Variants in WDR91 observed in about 807,000 individuals in gnomAD.
WDR91 encodes the protein WD repeat domain 91.
In WDR91, 52 loss-of-function variants were observed where a neutral mutation model predicts 88.4. The observed-to-expected ratio is 0.59, with a 90% CI of 0.47 to 0.74. WDR91 has a LOEUF of 0.74. Among genes scored for constraint, WDR91 ranks in the 30% least tolerant of loss-of-function variants. The pLI, the probability that WDR91 is intolerant of heterozygous loss-of-function variation, is 0.00. For missense variants in WDR91, 824 were observed against 954.5 expected (o/e 0.86, Z 1.80); for synonymous variants, 362 against 389.5 (o/e 0.93, Z 0.83).
intron 5 of WDR91, 91 bp downstream of exon 5, chr7:135,205,837 A>G (rs1831750558): frequency 1.3e-6 from 2 of 1,569,826 alleles, no homozygotes; most frequent in East Asian, 2.3e-5. Context: ...CAGCAGGCAC[A>G]GAGGACTGCA....
At position 135,198,097 on chromosome 7, in the gene WDR91, T is replaced by C; in HGVS notation, c.946A>G (p.Ser316Gly). 1.2e-6 allele frequency: 2 copies of C among 1,613,998 alleles called. No homozygotes were observed. Among genetic ancestry groups the C allele is most frequent in the Non-Finnish European group, 1.7e-6 (2 of 1,179,872 alleles). Reference sequence around the variant, plus strand: ...CCGGACTCCCCAGTGGCCAGCCCGCTGAGGAGGCTCTTCCCATCCTTGGCT... The same window carrying C: ...CCGGACTCCCCAGTGGCCAGCCCGCCGAGGAGGCTCTTCCCATCCTTGGCT... The part of the protein sequence containing the change: ...SGAKDGKSLL[S>G]GLATGESGWS... Residue 316 changes from serine (S) to glycine (G), a missense_variant, in exon 7 of 15, where the codon AGC becomes GGC. Coordinates refer to ENST00000354475, the MANE Select transcript of WDR91 (RefSeq NM_014149.4).
chr7:135,208,882 G>C lies in WDR91; in HGVS notation c.420C>G (p.Asn140Lys). ...GAGAAAAGTAGGTAGCAAAGGTGGG[G>C]TTGGTGTCCGGGGATGGCAGGAAGG... ...VLPFLPSPDTNPTFATYFSRQ... is the reference protein window; with the variant it reads ...VLPFLPSPDTKPTFATYFSRQ... Residue 140 changes from asparagine to lysine, a missense_variant, in exon 3 of 15, where the codon AAC becomes AAG. By Grantham distance (94) the Asn-to-Lys change is moderately conservative (BLOSUM62 0). Transcript: ENST00000354475. The C allele has an allele frequency of 1.9e-6, 3 of 1,614,208 alleles. No individual in the cohort carries two copies. Among genetic ancestry groups the C allele is most frequent in the Non-Finnish European group, 2.5e-6 (3 of 1,180,034 alleles).
intron 6 of WDR91, chr7:135,199,140 T>A (rs1280416686): frequency 2.0e-5 from 3 of 152,222 alleles, no homozygotes; most frequent in Non-Finnish European, 4.4e-5. Flanking sequence ...CTTCTACTTG[T>A]TATTTTTTAT....
In WDR91 at chr7:135,198,086, G is replaced by A. The variant is rs906541433; in HGVS notation, c.957C>T (p.Ala319=). Reference sequence around the variant, plus strand: ...GCTGTGACCAACCGGACTCCCCAGTGGCCAGCCCGCTGAGGAGGCTCTTCC... The same window carrying A: ...GCTGTGACCAACCGGACTCCCCAGTAGCCAGCCCGCTGAGGAGGCTCTTCC... The part of the protein sequence containing the change: ...KDGKSLLSGL[A]TGESGWSQHR... Residue 319 remains alanine (A), a synonymous_variant, in exon 7 of 15, where the codon GCC becomes GCT. Transcript: ENST00000354475. The A allele has an allele frequency of 6.2e-7, 1 of 1,614,088 alleles. No homozygotes were observed. The highest frequency in any genetic ancestry group is 2.2e-5 in the East Asian group (1 of 44,874).
intron 13 of WDR91, 77 bp downstream of exon 13, chr7:135,188,356 A>G: frequency 8.2e-6 from 10 of 1,223,782 alleles, no homozygotes; most frequent in Non-Finnish European, 1.1e-5. Context: ...CAGAGCTAGT[A>G]ACAGGTATGG....
chr7:135,192,447 T>C (rs1447119241), intron 11 of WDR91, among the ~76,000 whole-genome samples: 2 of 152,294 alleles, frequency 1.3e-5, no homozygotes, highest in African/African-American at 4.8e-5. Context: ...TGAGGCACAT[T>C]TGCCAAAGTG....
chr7:135,206,036 A>G lies in WDR91; in HGVS notation c.617T>C (p.Ile206Thr). 2 of 1,614,158 alleles carry G rather than the reference A, an allele frequency of 1.2e-6. No homozygotes were observed. Among genetic ancestry groups the G allele is most frequent in the Non-Finnish European group, 1.7e-6 (2 of 1,180,030 alleles). The part of the protein sequence containing the change: ...RQKLFALQAE[I>T]HRLKKEEQQP... ...TTGCTCCTCTTTCTTCAGTCGGTGG[A>G]TTTCAGCTTGCAATGCAAAAAGCTA... The change falls in exon 5 of 15, where the codon ATC becomes ACC. Residue 206 changes from isoleucine (I) to threonine (T), a missense_variant. By Grantham distance (89) the Ile-to-Thr change is moderately conservative. Transcript: ENST00000354475.
At chr7:135,193,183 A>AGAGTTTGTGCATTCCTGGCCC in intron 11 of WDR91, 48 bp downstream of exon 11, 5 of 1,593,912 alleles carry the variant, frequency 3.1e-6, no homozygotes, top group Non-Finnish European at 4.3e-6. Flanking sequence ...CCAGGGGAAT[A>AGAGTTTGTGCATTCCTGGCCC]CAGAGTGTGT....
At chr7:135,203,362 ATTTATT>A (rs895235205) in intron 6 of WDR91, among the ~76,000 whole-genome samples, 5 of 152,228 alleles carry the variant, frequency 3.3e-5, no homozygotes, top group African/African-American at 1.2e-4. Flanking sequence ...GACTATGACT[ATTTATT>A]TTATCTGTAA....
At chr7:135,194,263 G>T (rs1831280332) in intron 9 of WDR91, among the ~76,000 whole-genome samples, 1 of 152,238 alleles carries the variant, frequency 6.6e-6, no homozygotes, top group African/African-American at 2.4e-5. Flanking sequence ...TGTCTCACAG[G>T]AATATTAGGT....
At position 135,198,129 on chromosome 7, in the gene WDR91, G is replaced by A. The variant is rs200340926; in HGVS notation, c.914C>T (p.Thr305Met). 86 of 1,613,324 alleles carry A rather than the reference G, an allele frequency of 5.3e-5. 2 individuals carry two copies. The South Asian group carries it at 6.4e-4, about 12-fold the overall frequency. The stretch of plus-strand genomic sequence containing the variant: ...GCTCTTCCCATCCTTGGCTCCGGAC[G>A]TCGGGTCCTTTCCCTTGGTGCCCTA... The part of the protein sequence containing the change: ...GGQGTKGKDP[T>M]SGAKDGKSLL... The change falls in exon 7 of 15, where the codon ACG (threonine) becomes ATG (methionine). Residue 305 changes from threonine to methionine, a missense_variant. Physicochemically the swap from Thr to Met is moderately conservative, Grantham distance 81 (BLOSUM62 -1). Transcript: ENST00000354475.
chr7:135,194,876 C>T, intron 9 of WDR91, 58 bp downstream of exon 9: 2 of 1,599,320 alleles, frequency 1.3e-6, no homozygotes, highest in Non-Finnish European at 1.7e-6. Flanking sequence ...GGTGGAGAAC[C>T]CTGGGGAATT....
chr7:135,192,847 C>G (rs1291928998), intron 11 of WDR91, among the ~76,000 whole-genome samples: 1 of 152,154 alleles, frequency 6.6e-6, no homozygotes, highest in African/African-American at 2.4e-5. Context: ...GTGCCCAGGT[C>G]CCCTGGGAGC....
rs1310000638 is a variant in WDR91 at position 135,198,260 on chromosome 7, G to A, written c.892-109C>T. On this transcript the variant is annotated intron_variant, in intron 6 of 14. Coordinates refer to ENST00000354475, the MANE Select transcript of WDR91 (RefSeq NM_014149.4). ...GGGGGGGCGTGGTGGGTTGGGGGCA[G>A]GTGGTTAAAATGGTGTTGGCTCAGC... 7.4e-6 allele frequency: 10 copies of A among 1,347,380 alleles called. No individual in the cohort carries two copies. In the African/African-American group the frequency reaches 1.5e-4, roughly 20 times the overall value. 83.5% of individuals were successfully genotyped at this position (1,347,380 alleles called of 1,614,324 possible). A position where few individuals can be genotyped will look rare whatever the true frequency, so the allele number is the denominator to read the frequency against.
intron 1 of WDR91, chr7:135,210,780 T>C (rs292601): frequency 0.72 from 506,235 of 703,338 alleles, 184,307 homozygotes; most frequent in Admixed American, 0.81. Context: ...CTGCCTCTCA[T>C]TGAAGTCAGT....
At chr7:135,207,891 C>T (rs181112738) in intron 3 of WDR91, among the ~76,000 whole-genome samples, 25 of 152,234 alleles carry the variant, frequency 1.6e-4, no homozygotes, top group African/African-American at 5.5e-4. Context: ...GTGACAGTTT[C>T]GATTTCACTG....
chr7:135,191,283 T>C (rs1831153807), intron 11 of WDR91, among the ~76,000 whole-genome samples: 1 of 152,178 alleles, frequency 6.6e-6, no homozygotes, highest in Non-Finnish European at 1.5e-5. Context: ...TTTAGGGATA[T>C]ATAGTAATTG....
chr7:135,192,908 C>T (rs1831222252), intron 11 of WDR91, among the ~76,000 whole-genome samples: 1 of 152,092 alleles, frequency 6.6e-6, no homozygotes, highest in South Asian at 2.1e-4. Flanking sequence ...TGTATGTGTC[C>T]TTGCTACTGC....
chr7:135,208,929 A>C lies in WDR91; in HGVS notation c.373T>G (p.Trp125Gly), dbSNP rs747221458. The C allele has an allele frequency of 6.2e-7, 1 of 1,614,150 alleles. No homozygotes were observed. Among genetic ancestry groups the C allele is most frequent in the East Asian group, 2.2e-5 (1 of 44,882 alleles). Residue 125 changes from tryptophan (W) to glycine (G), a missense_variant, in exon 3 of 15, where the codon TGG becomes GGG. Physicochemically the swap from Trp to Gly is radical, Grantham distance 184. Transcript: ENST00000354475. ...AAGGGCAGGACAAACCAATCCTTCC[A>C]CTCAGCCTGGTTCTGGAGTTCCGTG... ...QATELQNQAE[W>G]KDWFVLPFLP... is the part of the protein sequence containing the mutation.
Sources: allele counts gnomAD v4.1 joint callset (sites outside exome capture counted in the v4.1 genomes callset), GRCh38; gene constraint gnomAD v4.1.1; transcripts MANE v1.5; gene names NCBI Gene and HGNC (gene_info 2026-07-23, HGNC 2026-07-21).